Variants in CDYL2 observed in about 807,000 individuals in gnomAD.
CDYL2 encodes the protein chromodomain Y-like protein 2.
CDYL2 carries 23 observed loss-of-function variants against 49.4 expected under a neutral mutation model. The observed-to-expected ratio is 0.47, with a 90% confidence interval of 0.34 to 0.66. The LOEUF (loss-of-function observed/expected upper bound fraction) is 0.66. Ranked by LOEUF, CDYL2 falls within the 30% of genes least tolerant of loss-of-function variation. The pLI, the probability that CDYL2 is intolerant of heterozygous loss-of-function variation, is 0.01. For synonymous variants in CDYL2, 360 were observed against 268.8 expected (o/e 1.34, Z -3.32); for missense variants, 678 against 656.4 (o/e 1.03, Z -0.36).
At chr16:80,688,692 T>C (rs1319322689) in intron 1 of CDYL2, among the ~76,000 whole-genome samples, 1 of 152,200 alleles carries the variant, frequency 6.6e-6, no homozygotes, top group African/African-American at 2.4e-5. Flanking sequence ...GACCTAATCT[T>C]CTATACATCT....
At chr16:80,787,668 G>T (rs7204972) in intron 1 of CDYL2, among the ~76,000 whole-genome samples, 18,648 of 151,844 alleles carry the variant, frequency 0.12, 1,161 homozygotes, top group South Asian at 0.23. Context: ...CTCTATTCCC[G>T]TTGAGTTCCT....
chr16:80,700,735 G>C (rs1302733531), intron 1 of CDYL2, among the ~76,000 whole-genome samples: 4 of 152,330 alleles, frequency 2.6e-5, no homozygotes, highest in East Asian at 1.9e-4. Flanking sequence ...TAATTTAACA[G>C]ATATCTATGC....
chr16:80,772,367 A>C (rs986634163), intron 1 of CDYL2, among the ~76,000 whole-genome samples: 8 of 152,234 alleles, frequency 5.3e-5, no homozygotes, highest in Admixed American at 3.3e-4. Flanking sequence ...AAAACACTCA[A>C]AAACAACAGC....
Position 80,599,650 on chromosome 16 carries a change from T to C in CDYL2, c.*4738A>G, listed in dbSNP as rs1418412902. On this transcript the variant is annotated 3_prime_UTR_variant, in exon 7 of 7. Transcript: ENST00000570137. ...CACAGTAAGACTCATAGGTAAACTT[T>C]GTTAACATCTCTCAGGGAGTGCTGA... 1 of 152,194 alleles carries C rather than the reference T, an allele frequency of 6.6e-6. No homozygotes were observed. The highest frequency in any genetic ancestry group is 6.6e-5 in the Admixed American group (1 of 15,264). The allele number at this position is 152,194 out of a possible 1,614,324, so 9.4% of individuals were successfully genotyped here. A position where few individuals can be genotyped will look rare whatever the true frequency, so the allele number is the denominator to read the frequency against.
chr16:80,710,551 A>G (rs1904560670), intron 1 of CDYL2, among the ~76,000 whole-genome samples: 1 of 152,262 alleles, frequency 6.6e-6, no homozygotes, highest in African/African-American at 2.4e-5. Context: ...TGAAAAGACT[A>G]TGTAACCAAG....
intron 1 of CDYL2, among the ~76,000 whole-genome samples, chr16:80,716,625 G>GTGGA (rs540596300): frequency 2.0e-5 from 3 of 152,034 alleles, no homozygotes; most frequent in Admixed American, 2.0e-4. Context: ...GGCTAGATGG[G>GTGGA]TGGATGGATG....
At chr16:80,735,935 G>A (rs1461311317) in intron 1 of CDYL2, among the ~76,000 whole-genome samples, 1 of 152,212 alleles carries the variant, frequency 6.6e-6, no homozygotes, top group Non-Finnish European at 1.5e-5. Flanking sequence ...AGGAATCACA[G>A]AGACTCGGGT....
chr16:80,698,794 A>G (rs957302986), intron 1 of CDYL2, among the ~76,000 whole-genome samples: 11 of 152,092 alleles, frequency 7.2e-5, no homozygotes, highest in Admixed American at 6.5e-4. Flanking sequence ...AGCAGAAGCC[A>G]CTTTGCTTCC....
intron 1 of CDYL2, among the ~76,000 whole-genome samples, chr16:80,760,196 C>T (rs1474191811): frequency 6.6e-6 from 1 of 152,168 alleles, no homozygotes; most frequent in African/African-American, 2.4e-5. Flanking sequence ...AGGCAAGGCA[C>T]ACCTCAACTA....
In CDYL2 at chr16:80,612,713, G is replaced by A; in HGVS notation, c.1131C>T (p.Ala377=). The A allele has an allele frequency of 6.2e-7, 1 of 1,613,576 alleles. No individual in the cohort carries two copies. Among genetic ancestry groups the A allele is most frequent in the Non-Finnish European group, 8.5e-7 (1 of 1,179,970 alleles). ...LCDIVWASEK[A]WFQTPYATIR... is the part of the protein sequence containing the mutation. ...TGGTGGCGTAGGGCGTCTGGAACCA[G>A]GCCTTCTCACTGGCCCACACGATGT... The change falls in exon 5 of 7, where the codon GCC becomes GCT. Residue 377 remains alanine (A), a synonymous_variant. Coordinates refer to ENST00000570137, the MANE Select transcript of CDYL2 (RefSeq NM_152342.4). The surrounding 1 kb of genome is among the most constrained non-coding windows in gnomAD (Gnocchi z 5.0).
At chr16:80,641,847 T>C (rs1385859477) in intron 2 of CDYL2, among the ~76,000 whole-genome samples, 1 of 150,622 alleles carries the variant, frequency 6.6e-6, no homozygotes, top group African/African-American at 2.5e-5. Flanking sequence ...TGTATACATA[T>C]GTAACAAACC....
intron 1 of CDYL2, among the ~76,000 whole-genome samples, chr16:80,758,275 G>C (rs1906382784): frequency 6.6e-6 from 1 of 151,986 alleles, no homozygotes; most frequent in South Asian, 2.1e-4. Flanking sequence ...AATAAATTTA[G>C]TATAAAATAA....
At chr16:80,690,570 G>T (rs1056584490) in intron 1 of CDYL2, among the ~76,000 whole-genome samples, 8 of 152,168 alleles carry the variant, frequency 5.3e-5, no homozygotes, top group African/African-American at 1.7e-4. Context: ...GCACAGAAGA[G>T]CTAAGACTTG....
chr16:80,755,829 T>A (rs1010803418), intron 1 of CDYL2, among the ~76,000 whole-genome samples: 8 of 152,162 alleles, frequency 5.3e-5, no homozygotes, highest in Admixed American at 6.6e-5. Context: ...TAGAAGATGT[T>A]AAAACAGTGG....
At chr16:80,639,482 CTG>C (rs1447915283) in intron 2 of CDYL2, among the ~76,000 whole-genome samples, 2 of 152,260 alleles carry the variant, frequency 1.3e-5, no homozygotes, top group Admixed American at 1.3e-4. Flanking sequence ...GATAAACAAA[CTG>C]TGGTACATTC....
In CDYL2 at chr16:80,768,862, G is replaced by C. The variant is rs186297857; in HGVS notation, c.24+35288C>G. On this transcript the variant is annotated intron_variant, in intron 1 of 6. Coordinates refer to ENST00000570137, the MANE Select transcript of CDYL2 (RefSeq NM_152342.4). ...ATTTGTAAAAGATGCTTTAGGATTAGAAGAGATAATGCAGATAAAACACTT... is the reference window on the plus strand; with the variant it reads ...ATTTGTAAAAGATGCTTTAGGATTACAAGAGATAATGCAGATAAAACACTT... Among the ~76,000 whole-genome samples, 995 of 152,264 alleles carry C rather than the reference G, an allele frequency of 6.5e-3. 18 individuals carry two copies. Among genetic ancestry groups the C allele is most frequent in the African/African-American group, 0.022 (925 of 41,538 alleles).
chr16:80,685,290 G>C (rs1324955720), intron 1 of CDYL2, among the ~76,000 whole-genome samples, 161 bp from the exon 2 acceptor site: 2 of 152,192 alleles, frequency 1.3e-5, no homozygotes, highest in Non-Finnish European at 2.9e-5. Context: ...ACTGGCAGGA[G>C]GGTTCAAGAA....
chr16:80,688,283 G>A (rs1233364576), intron 1 of CDYL2, among the ~76,000 whole-genome samples: 1 of 152,196 alleles, frequency 6.6e-6, no homozygotes, highest in African/African-American at 2.4e-5. Flanking sequence ...ATGATGAGCA[G>A]TATTAACAGG....
At chr16:80,620,186 G>A (rs1454243963) in intron 4 of CDYL2, among the ~76,000 whole-genome samples, 1 of 152,224 alleles carries the variant, frequency 6.6e-6, no homozygotes, top group Non-Finnish European at 1.5e-5. Flanking sequence ...ACCCTTCAGT[G>A]TCCCAAAAGG....
Sources: allele counts gnomAD v4.1 joint callset (sites outside exome capture counted in the v4.1 genomes callset), GRCh38; gene constraint gnomAD v4.1.1; non-coding constraint Gnocchi (gnomAD v3.1); transcripts MANE v1.5; gene names NCBI Gene and HGNC (gene_info 2026-07-23, HGNC 2026-07-21).